DAB1: variants seen among roughly 807,000 people sequenced by gnomAD.
The protein encoded by DAB1 is disabled homolog 1.
In DAB1, 15 loss-of-function variants were observed where a neutral mutation model predicts 64.6. That is an observed-to-expected ratio of 0.23 (90% CI 0.16 to 0.36). The LOEUF is 0.36. Among genes scored for constraint, DAB1 ranks in the 10% least tolerant of loss-of-function variants. DAB1 has a pLI of 1.00. For missense variants in DAB1, 596 were observed against 706.7 expected (o/e 0.84, Z 1.78); for synonymous variants, 235 against 251.9 (o/e 0.93, Z 0.64).
intron 1 of DAB1, among the ~76,000 whole-genome samples, chr1:57,297,521 AAT>A (rs144868781): frequency 1.8e-4 from 28 of 151,908 alleles, no homozygotes; most frequent in African/African-American, 4.3e-4. Context: ...TATATGTGTG[AAT>A]ATATATATAT....
chr1:57,334,494 T>C (rs553505751), intron 1 of DAB1, among the ~76,000 whole-genome samples: 60 of 152,238 alleles, frequency 3.9e-4, no homozygotes, highest in Non-Finnish European at 7.6e-4. Flanking sequence ...TAATAAATGG[T>C]AGTTAACTGA....
chr1:57,512,658 C>T (rs1644418459), intron 7 of DAB1, among the ~76,000 whole-genome samples: 1 of 152,234 alleles, frequency 6.6e-6, no homozygotes, highest in Admixed American at 6.5e-5. Flanking sequence ...AGGCCTACAT[C>T]TTGGAAACTG....
At chr1:57,524,652 T>C (rs1476601785) in intron 7 of DAB1, among the ~76,000 whole-genome samples, 1 of 152,190 alleles carries the variant, frequency 6.6e-6, no homozygotes, top group African/African-American at 2.4e-5. Flanking sequence ...GGGGAAATTA[T>C]AAAGAACCTT....
rs965704011 is a variant in DAB1 at position 58,262,591 on chromosome 1, C to CA, written n.309+80760dup. Among the ~76,000 whole-genome samples the CA allele has an allele frequency of 2.4e-4, 37 of 151,388 alleles. No individual in the cohort carries two copies. The South Asian group carries it at 5.0e-3, about 21-fold the overall frequency. On this transcript the variant is annotated intron_variant and non_coding_transcript_variant, in intron 4 of 20. Transcript: ENST00000485760. ...AGGGCGAGACTGCATCTAAAAAAAACAAAAAAAACAAAAACCTCAGTTTCC... is the reference window on the plus strand; with the variant it reads ...AGGGCGAGACTGCATCTAAAAAAAACAAAAAAAAACAAAAACCTCAGTTTCC...
At chr1:58,377,342 G>A (rs1412377461) in intron 3 of DAB1, among the ~76,000 whole-genome samples, 28 of 139,228 alleles carry the variant, frequency 2.0e-4, no homozygotes, top group East Asian at 6.4e-4. Context: ...CATGTTTAGC[G>A]CTTCCTTCAG....
intron 1 of DAB1, among the ~76,000 whole-genome samples, chr1:57,388,462 T>A (rs1682069791): frequency 6.6e-6 from 1 of 152,070 alleles, no homozygotes; most frequent in African/African-American, 2.4e-5. Context: ...AGTGATGTGA[T>A]CTCATTAAAA....
At chr1:57,858,662 C>A (rs1000371841) in intron 1 of DAB1, among the ~76,000 whole-genome samples, 5 of 151,714 alleles carry the variant, frequency 3.3e-5, no homozygotes, top group African/African-American at 4.8e-5. Context: ...ACATCCCCCA[C>A]CAAAGTTCTG....
intron 1 of DAB1, among the ~76,000 whole-genome samples, chr1:57,342,915 C>G (rs935373831): frequency 1.3e-5 from 2 of 152,094 alleles, no homozygotes; most frequent in Non-Finnish European, 2.9e-5. Flanking sequence ...GCAGTGTGGA[C>G]CCAAAGAGTG....
chr1:58,410,333 A>G (rs1240526149), intron 3 of DAB1, among the ~76,000 whole-genome samples: 1 of 152,166 alleles, frequency 6.6e-6, no homozygotes, highest in East Asian at 1.9e-4. Flanking sequence ...TTAAGGTCCT[A>G]AGACAGAATT....
At chr1:57,284,527 T>C (rs1039663462) in intron 2 of DAB1, among the ~76,000 whole-genome samples, 2 of 152,166 alleles carry the variant, frequency 1.3e-5, no homozygotes, top group African/African-American at 2.4e-5. Context: ...CAGAGGTGAC[T>C]TGTCTGAAGT....
chr1:57,194,185 G>A (rs1664418438), intron 2 of DAB1, among the ~76,000 whole-genome samples: 1 of 152,154 alleles, frequency 6.6e-6, no homozygotes, highest in Non-Finnish European at 1.5e-5. Flanking sequence ...CCCACACCCA[G>A]AGTAACTGAC....
intron 1 of DAB1, among the ~76,000 whole-genome samples, chr1:57,839,493 T>C (rs1652957569): frequency 6.6e-6 from 1 of 152,260 alleles, no homozygotes; most frequent in African/African-American, 2.4e-5. Flanking sequence ...TTGTAGTCAA[T>C]TATTGGCTAA....
intron 3 of DAB1, among the ~76,000 whole-genome samples, chr1:58,451,812 A>G (rs1015258002): frequency 6.6e-6 from 1 of 152,246 alleles, no homozygotes; most frequent in Admixed American, 6.5e-5. Flanking sequence ...TAAGACTGGA[A>G]GAAAATATTT....
upstream of DAB1, among the ~76,000 whole-genome samples, chr1:57,888,782 C>T (rs1390552347): frequency 6.6e-6 from 1 of 152,142 alleles, no homozygotes; most frequent in East Asian, 1.9e-4. Context: ...TCTGCATCAA[C>T]ATCTGAAAAA....
In DAB1 at chr1:57,095,527, T is replaced by G. The variant is rs185786956; in HGVS notation, c.307-23113A>C. Among the ~76,000 whole-genome samples, 3 of 152,168 alleles carry G rather than the reference T, an allele frequency of 2.0e-5. No individual in the cohort carries two copies. The East Asian group carries it at 5.8e-4, about 29-fold the overall frequency. On this transcript the variant is annotated intron_variant, in intron 4 of 14. Coordinates refer to ENST00000371236, the MANE Select transcript of DAB1 (RefSeq NM_001365792.1). ...ACTCCCCATTTCAAACAAAGAAAAG[T>G]CAACTTTCCAAGTCTCAGTTACTTT...
At chr1:57,159,943 C>T (rs551359356) in intron 2 of DAB1, among the ~76,000 whole-genome samples, 6 of 150,992 alleles carry the variant, frequency 4.0e-5, no homozygotes, top group East Asian at 1.9e-4. Flanking sequence ...GTCTTTCTGA[C>T]GTCCTCCCAT....
chr1:58,027,738 T>C (rs868775588), intron 5 of DAB1, among the ~76,000 whole-genome samples: 27 of 152,240 alleles, frequency 1.8e-4, no homozygotes, highest in Admixed American at 2.6e-4. Flanking sequence ...TACAGGATCA[T>C]TGCATGATGA....
intron 3 of DAB1, among the ~76,000 whole-genome samples, chr1:58,471,205 G>A (rs1645354189): frequency 1.3e-5 from 2 of 152,166 alleles, no homozygotes; most frequent in Non-Finnish European, 1.5e-5. Context: ...TCCTATGTTG[G>A]TATCCCCAGG....
At chr1:57,946,091 C>T (rs2100218369) in intron 5 of DAB1, among the ~76,000 whole-genome samples, 1 of 152,314 alleles carries the variant, frequency 6.6e-6, no homozygotes, top group Non-Finnish European at 1.5e-5. Context: ...AGATACAGAA[C>T]TGGGACACAG....
Sources: allele counts gnomAD v4.1 joint callset (sites outside exome capture counted in the v4.1 genomes callset), GRCh38; gene constraint gnomAD v4.1.1; transcripts MANE v1.5; gene names NCBI Gene and HGNC (gene_info 2026-07-23, HGNC 2026-07-21).